P2RY6: variants seen among roughly 807,000 people sequenced by gnomAD.
P2RY6 encodes the protein pyrimidinergic receptor P2Y6, also known as P2Y purinoceptor 6.
Under a neutral mutation model 16.3 loss-of-function variants are expected in P2RY6, and 19 were observed. The ratio of observed to expected loss-of-function variants is 1.16; its 90% CI spans 0.81 to 1.71. The LOEUF (loss-of-function observed/expected upper bound fraction) is 1.71. Ranked by LOEUF, P2RY6 falls within the 40% of genes most tolerant of loss-of-function variation. The pLI is 0.00. For synonymous variants in P2RY6, 184 were observed against 201.5 expected (o/e 0.91, Z 0.74); for missense variants, 389 against 455.5 (o/e 0.85, Z 1.33).
rs149614765 is a variant in P2RY6 at position 73,297,451 on chromosome 11, A to G, written c.933A>G (p.Arg311=). 2.2e-4 allele frequency: 351 copies of G among 1,612,566 alleles called. No individual in the cohort carries two copies. Among genetic ancestry groups the G allele is most frequent in the Admixed American group, 4.2e-4 (25 of 60,022 alleles). The change falls in exon 3 of 3, where the codon CGA becomes CGG. Residue 311 remains arginine, a synonymous_variant. Transcript: ENST00000540124. The part of the protein sequence containing the change: ...FYFTQKKFRR[R]PHELLQKLTA... ...TCACCCAGAAGAAGTTCCGCCGGCG[A>G]CCACATGAGCTCCTACAGAAACTCA...
At chr11:73,292,120 G>A (rs1864277645) in intron 1 of P2RY6, among the ~76,000 whole-genome samples, 1 of 152,254 alleles carries the variant, frequency 6.6e-6, no homozygotes, top group African/African-American at 2.4e-5. Flanking sequence ...GGATGAGGCA[G>A]CTGGGTCCTC....
rs377684373 is a variant in P2RY6 at position 73,297,457 on chromosome 11, T to A, written c.939T>A (p.His313Gln). 1.1e-3 allele frequency: 1,840 copies of A among 1,612,448 alleles called. 31 individuals are homozygous for A. In the South Asian group the frequency reaches 0.019, roughly 17 times the overall value. ...AGAAGAAGTTCCGCCGGCGACCACA[T>A]GAGCTCCTACAGAAACTCACAGCCA... ...FTQKKFRRRP[H>Q]ELLQKLTAKW... The change falls in exon 3 of 3, where the codon CAT (histidine) becomes CAA (glutamine). Residue 313 changes from histidine to glutamine, a missense_variant. Transcript: ENST00000540124.
intron 1 of P2RY6, among the ~76,000 whole-genome samples, chr11:73,276,544 AT>A: frequency 6.6e-6 from 1 of 152,330 alleles, no homozygotes; most frequent in East Asian, 1.9e-4. Context: ...TAAAAATGAA[AT>A]TTTTATTTAT....
chr11:73,289,916 A>T (rs1461657241), intron 1 of P2RY6, among the ~76,000 whole-genome samples: 1 of 152,198 alleles, frequency 6.6e-6, no homozygotes, highest in Non-Finnish European at 1.5e-5. Context: ...TCTGGCACAG[A>T]ATAGGCATTT....
chr11:73,273,435 C>T (rs986649706), intron 1 of P2RY6, among the ~76,000 whole-genome samples: 2 of 152,052 alleles, frequency 1.3e-5, no homozygotes, highest in East Asian at 1.9e-4. Context: ...TGGGTGTGTA[C>T]GTGAGAGTGA....
upstream of P2RY6, among the ~76,000 whole-genome samples, chr11:73,268,936 G>A (rs148459761): frequency 3.0e-3 from 451 of 152,310 alleles, 3 homozygotes; most frequent in African/African-American, 0.01. Context: ...CATGTGGATC[G>A]GAACAGCTCC....
At chr11:73,277,398 A>G (rs1456768842) in intron 1 of P2RY6, among the ~76,000 whole-genome samples, 6 of 152,114 alleles carry the variant, frequency 3.9e-5, no homozygotes, top group Non-Finnish European at 7.3e-5. Flanking sequence ...AGAAATACAG[A>G]TTTTTATTTT....
At chr11:73,280,843 T>A (rs765948979) in intron 1 of P2RY6, among the ~76,000 whole-genome samples, 2 of 152,174 alleles carry the variant, frequency 1.3e-5, no homozygotes, top group Admixed American at 1.3e-4. Flanking sequence ...CAGCAGGGAC[T>A]GGGTTTGCCT....
In P2RY6 at chr11:73,297,802, G is replaced by C. The variant is rs375003298; in HGVS notation, c.*297G>C. The C allele has an allele frequency of 2.4e-6, 1 of 418,618 alleles. No individual in the cohort carries two copies. The highest frequency in any genetic ancestry group is 4.1e-5 in the Admixed American group (1 of 24,522). 25.9% of individuals were successfully genotyped at this position (418,618 alleles called of 1,614,324 possible). Reference sequence around the variant, plus strand: ...ACAAAAATACAGTGTGACGTGTACTGTCATCAAGGGGTATGCTCCATGCTT... The same window carrying C: ...ACAAAAATACAGTGTGACGTGTACTCTCATCAAGGGGTATGCTCCATGCTT... On this transcript the variant is annotated 3_prime_UTR_variant, in exon 3 of 3. Coordinates refer to ENST00000540124, the MANE Select transcript of P2RY6 (RefSeq NM_001277204.2).
chr11:73,284,132 AGGAG>A (rs1157207714), intron 1 of P2RY6, among the ~76,000 whole-genome samples: 1 of 152,086 alleles, frequency 6.6e-6, no homozygotes, highest in Non-Finnish European at 1.5e-5. Context: ...TAGAAGACAG[AGGAG>A]GGAGGATGCC....
intron 2 of P2RY6, 137 bp from the exon 3 acceptor site, chr11:73,296,348 C>T: frequency 7.4e-6 from 5 of 677,282 alleles, no homozygotes; most frequent in Admixed American, 5.7e-5. Context: ...TGGGGCTTCA[C>T]GGGGTGGTTA....
At chr11:73,274,664 A>G (rs750326486) in intron 1 of P2RY6, among the ~76,000 whole-genome samples, 13 of 152,230 alleles carry the variant, frequency 8.5e-5, no homozygotes, top group Non-Finnish European at 1.6e-4. Flanking sequence ...ATCCTGTCCA[A>G]TGTGGGAGCT....
At chr11:73,287,717 T>C (rs563839107) in intron 1 of P2RY6, among the ~76,000 whole-genome samples, 1 of 152,342 alleles carries the variant, frequency 6.6e-6, no homozygotes, top group South Asian at 2.1e-4. Context: ...GAGAACCAAG[T>C]GGCCTCTCCC....
chr11:73,273,919 C>T (rs1863423445), intron 1 of P2RY6, among the ~76,000 whole-genome samples: 1 of 152,208 alleles, frequency 6.6e-6, no homozygotes, highest in African/African-American at 2.4e-5. Flanking sequence ...TTACTGTAAC[C>T]TTGAACTCCT....
chr11:73,267,952 G>A (rs932550337), upstream of P2RY6, among the ~76,000 whole-genome samples: 6 of 152,262 alleles, frequency 3.9e-5, no homozygotes, highest in Admixed American at 3.9e-4. Flanking sequence ...TCCTGGTTAT[G>A]AAAGCTCTTC....
chr11:73,273,711 CAGCATGGCCTGTTCTGCCAGA>C (rs756004286), intron 1 of P2RY6, among the ~76,000 whole-genome samples: 39 of 152,200 alleles, frequency 2.6e-4, no homozygotes, highest in Non-Finnish European at 4.3e-4. Context: ...CGGGAGCTCC[CAGCATGGCCTGTTCTGCCAGA>C]AGCTTGCCTG....
chr11:73,295,158 T>C (rs531887457), intron 1 of P2RY6, among the ~76,000 whole-genome samples: 20 of 152,268 alleles, frequency 1.3e-4, no homozygotes, highest in Non-Finnish European at 2.2e-4. Flanking sequence ...TCGAGGTGAG[T>C]GTCTAGGAGT....
intron 1 of P2RY6, among the ~76,000 whole-genome samples, chr11:73,283,948 C>G (rs982432177): frequency 2.0e-5 from 3 of 152,086 alleles, no homozygotes; most frequent in Non-Finnish European, 4.4e-5. Flanking sequence ...GAGGTGGTAC[C>G]TGGAGTCCCG....
chr11:73,265,061 G>T (rs1565157040), intron 1 of P2RY6, among the ~76,000 whole-genome samples: 1 of 152,254 alleles, frequency 6.6e-6, no homozygotes, highest in Admixed American at 6.5e-5. Context: ...CCATGGCAGG[G>T]TGGTGCACTG....
Sources: gnomAD v4.1 joint callset for allele counts (sites outside exome capture counted in the v4.1 genomes callset) on GRCh38, gnomAD v4.1.1 for gene constraint, MANE v1.5 for transcripts, NCBI Gene and HGNC (gene_info 2026-07-23, HGNC 2026-07-21) for gene names.